TMEM123: variants seen among roughly 807,000 people sequenced by gnomAD.
The protein encoded by TMEM123 is transmembrane protein 123.
TMEM123 carries 16 observed loss-of-function variants against 19.7 expected under a neutral mutation model. The observed-to-expected ratio is 0.81, with a 90% CI of 0.55 to 1.23. The LOEUF is 1.23. TMEM123 is among the 50% of genes most tolerant of loss of function. The pLI is 0.00. For synonymous variants in TMEM123, 118 were observed against 99.4 expected, an observed-to-expected ratio of 1.19 and a Z score of -1.12; for missense variants, 313 against 257.8, an observed-to-expected ratio of 1.21 and a Z score of -1.47.
At position 102,400,974 on chromosome 11, in the gene TMEM123, A is replaced by G. The variant is rs536059641; in HGVS notation, c.602+565T>C. 3.3e-5 allele frequency among the ~76,000 whole-genome samples: 5 copies of G among 152,376 alleles called. No homozygotes were observed. The East Asian group carries it at 7.7e-4, about 23-fold the overall frequency. On this transcript the variant is annotated intron_variant, in intron 4 of 4. Coordinates refer to ENST00000398136, the MANE Select transcript of TMEM123 (RefSeq NM_052932.3). ...TATATCCTCAAACCATCAGACCTATAGAGCTACATGTAGAGTAAACATGGA... is the reference window on the plus strand; with the variant it reads ...TATATCCTCAAACCATCAGACCTATGGAGCTACATGTAGAGTAAACATGGA...
In TMEM123 at chr11:102,401,661, T is replaced by C. The variant is rs758603147; in HGVS notation, c.480A>G (p.Lys160=). The change falls in exon 4 of 5, where the codon AAA becomes AAG. Residue 160 remains lysine, a synonymous_variant. Coordinates refer to ENST00000398136, the MANE Select transcript of TMEM123 (RefSeq NM_052932.3). ...AGCTCCCAGTATCAAATTTTGATCCTTTCTTTGCTTCAGAATGCATAGTTG... is the reference window on the plus strand; with the variant it reads ...AGCTCCCAGTATCAAATTTTGATCCCTTCTTTGCTTCAGAATGCATAGTTG... ...ITTTMHSEAK[K]GSKFDTGSFV... is the part of the protein sequence containing the mutation. The C allele has an allele frequency of 3.1e-6, 5 of 1,605,554 alleles. No homozygotes were observed. Among genetic ancestry groups the C allele is most frequent in the Non-Finnish European group, 3.4e-6 (4 of 1,178,078 alleles).
chr11:102,445,397 ATCAG>A (rs1247912263), intron 2 of TMEM123, among the ~76,000 whole-genome samples: 8 of 152,198 alleles, frequency 5.3e-5, no homozygotes, highest in Non-Finnish European at 7.4e-5. Context: ...GAATCAATCA[ATCAG>A]TCAATCAATC....
At chr11:102,434,343 T>C (rs907558250) in intron 2 of TMEM123, among the ~76,000 whole-genome samples, 4 of 151,956 alleles carry the variant, frequency 2.6e-5, no homozygotes, top group Admixed American at 1.3e-4. Flanking sequence ...TAATGATTCT[T>C]AATATTCAGC....
At chr11:102,443,239 G>A (rs539052954) in intron 2 of TMEM123, among the ~76,000 whole-genome samples, 49 of 152,270 alleles carry the variant, frequency 3.2e-4, no homozygotes, top group African/African-American at 1.1e-3. Context: ...ACATTGCCAA[G>A]ACAATCCTAA....
intron 2 of TMEM123, among the ~76,000 whole-genome samples, chr11:102,422,036 A>C (rs1952091351): frequency 6.6e-6 from 1 of 152,198 alleles, no homozygotes; most frequent in East Asian, 1.9e-4. Flanking sequence ...TCTTAACAAA[A>C]ATCTACCTGA....
At chr11:102,416,049 G>C (rs1308590910) in intron 2 of TMEM123, among the ~76,000 whole-genome samples, 1 of 151,976 alleles carries the variant, frequency 6.6e-6, no homozygotes, top group African/African-American at 2.4e-5. Flanking sequence ...CAAGTACCTG[G>C]GACTACAGGT....
intron 2 of TMEM123, among the ~76,000 whole-genome samples, chr11:102,415,738 TAAC>T (rs1327886297): frequency 2.0e-5 from 3 of 152,026 alleles, no homozygotes; most frequent in Non-Finnish European, 4.4e-5. Flanking sequence ...GACCTCAAAT[TAAC>T]AACCTAACTT....
intron 2 of TMEM123, among the ~76,000 whole-genome samples, chr11:102,444,726 T>G (rs1857864086): frequency 6.6e-6 from 1 of 151,844 alleles, no homozygotes; most frequent in South Asian, 2.1e-4. Context: ...ACACACATGT[T>G]TATTGCAGCA....
intron 2 of TMEM123, among the ~76,000 whole-genome samples, chr11:102,417,670 G>A (rs2135850820): frequency 6.6e-6 from 1 of 152,234 alleles, no homozygotes; most frequent in East Asian, 1.9e-4. Flanking sequence ...CCAAAAGAGA[G>A]CCCAACTAGC....
chr11:102,447,651 T>G (rs1025301315), intron 2 of TMEM123, among the ~76,000 whole-genome samples: 11 of 152,204 alleles, frequency 7.2e-5, no homozygotes, highest in African/African-American at 2.7e-4. Context: ...TAATAAAATA[T>G]TTTTTAACTA....
At chr11:102,420,869 G>A (rs959423565) in intron 2 of TMEM123, among the ~76,000 whole-genome samples, 7 of 152,112 alleles carry the variant, frequency 4.6e-5, no homozygotes, top group African/African-American at 1.7e-4. Flanking sequence ...CCAACATGGT[G>A]AAACCCTGTC....
intron 2 of TMEM123, among the ~76,000 whole-genome samples, chr11:102,410,250 C>T (rs371735264): frequency 2.0e-5 from 3 of 150,834 alleles, no homozygotes; most frequent in Non-Finnish European, 2.9e-5. Context: ...AACTAACAAC[C>T]GAGACATAGT....
chr11:102,412,258 C>T (rs1202638500), intron 2 of TMEM123, among the ~76,000 whole-genome samples: 2 of 152,064 alleles, frequency 1.3e-5, no homozygotes, highest in Non-Finnish European at 2.9e-5. Flanking sequence ...ATGGTGAAAC[C>T]CTGTCTCTAC....
chr11:102,423,252 C>G (rs1255131220), intron 2 of TMEM123, among the ~76,000 whole-genome samples: 1 of 152,138 alleles, frequency 6.6e-6, no homozygotes, highest in Admixed American at 6.5e-5. Flanking sequence ...CTTTGATAAG[C>G]CCCCCTTCAA....
At chr11:102,408,631 C>A (rs1951976286) in intron 2 of TMEM123, among the ~76,000 whole-genome samples, 2 of 152,178 alleles carry the variant, frequency 1.3e-5, no homozygotes, top group Middle Eastern at 3.2e-3. Flanking sequence ...TCAATTAATT[C>A]TTTATAACCA....
At chr11:102,410,587 A>C (rs1399884825) in intron 2 of TMEM123, among the ~76,000 whole-genome samples, 1 of 151,716 alleles carries the variant, frequency 6.6e-6, no homozygotes, top group East Asian at 1.9e-4. Flanking sequence ...GTTCCTGCTC[A>C]AAACTCCCCA....
At chr11:102,448,277 CTT>C in intron 2 of TMEM123, 1 of 456,214 alleles carries the variant, frequency 2.2e-6, no homozygotes, top group Non-Finnish European at 4.4e-6. Context: ...CAGCCTGGTT[CTT>C]GCATCTTTCC....
intron 2 of TMEM123, among the ~76,000 whole-genome samples, chr11:102,444,990 C>A (rs1015193006): frequency 2.1e-5 from 3 of 143,076 alleles, no homozygotes; most frequent in African/African-American, 7.9e-5. Context: ...GGACACAGGG[C>A]AGGGAACATC....
At chr11:102,417,963 C>A (rs561315606) in intron 2 of TMEM123, among the ~76,000 whole-genome samples, 1 of 151,888 alleles carries the variant, frequency 6.6e-6, no homozygotes, top group African/African-American at 2.4e-5. Context: ...TGAAACTGGA[C>A]CCCTTCCTTT....
Sources: gnomAD v4.1 joint callset for allele counts (sites outside exome capture counted in the v4.1 genomes callset) on GRCh38, gnomAD v4.1.1 for gene constraint, MANE v1.5 for transcripts, NCBI Gene and HGNC (gene_info 2026-07-23, HGNC 2026-07-21) for gene names.